DCHS2: variants seen among roughly 807,000 people sequenced by gnomAD.
DCHS2 encodes the protein protocadherin-23.
Under a neutral mutation model 182.4 loss-of-function variants are expected in DCHS2, and 142 were observed. The observed-to-expected ratio is 0.78, with a 90% CI of 0.68 to 0.89. The LOEUF is 0.89. Ranked by LOEUF, DCHS2 falls within the 40% of genes least tolerant of loss-of-function variation. DCHS2 has a pLI of 0.00. For missense variants in DCHS2, 4,319 were observed against 4,198.6 expected, an observed-to-expected ratio of 1.03 and a Z score of -0.79; for synonymous variants, 1,740 against 1,663.3, an observed-to-expected ratio of 1.05 and a Z score of -1.12.
At chr4:154,476,437 T>G (rs1250655721) in intron 1 of DCHS2, among the ~76,000 whole-genome samples, 1 of 152,222 alleles carries the variant, frequency 6.6e-6, no homozygotes, top group Non-Finnish European at 1.5e-5. Context: ...ATTAATTGTC[T>G]TACTGTTGTG....
At chr4:154,238,154 G>GA (rs1731624836) in intron 19 of DCHS2, among the ~76,000 whole-genome samples, 1 of 64,848 alleles carries the variant, frequency 1.5e-5, no homozygotes. Context: ...AGAGAGAAAA[G>GA]ACGGTGGGGG....
rs1299773461 is a variant in DCHS2 at position 154,490,681 on chromosome 4, G to A, written c.675C>T (p.Tyr225=). The change falls in exon 1 of 20, where the codon TAC becomes TAT. Residue 225 remains tyrosine (Y), a synonymous_variant. Transcript: ENST00000357232. ...GTGACGGTAGTGGCCCCGGAGTCCG[G>A]TAGCGCAACTGGAAGAACGGGCCTG... ...DPAGPFFQLR[Y]RTPGPLPSPL... is the part of the protein sequence containing the mutation. The A allele has an allele frequency of 1.9e-6, 3 of 1,551,588 alleles. No homozygotes were observed. Among genetic ancestry groups the A allele is most frequent in the Non-Finnish European group, 2.6e-6 (3 of 1,146,918 alleles).
At chr4:154,326,998 T>C (rs1008921411) in intron 7 of DCHS2, among the ~76,000 whole-genome samples, 7 of 152,164 alleles carry the variant, frequency 4.6e-5, no homozygotes, top group African/African-American at 1.7e-4. Context: ...TATTGAGTCT[T>C]CCCAAGCATG....
chr4:154,241,665 C>G (rs1731833073), intron 17 of DCHS2, among the ~76,000 whole-genome samples: 1 of 152,112 alleles, frequency 6.6e-6, no homozygotes. Context: ...GTACCCTATT[C>G]AGTATGTTTT....
At chr4:154,443,585 A>G (rs1327219930) in intron 1 of DCHS2, among the ~76,000 whole-genome samples, 1 of 152,146 alleles carries the variant, frequency 6.6e-6, no homozygotes, top group Non-Finnish European at 1.5e-5. Flanking sequence ...CACCTTTCCC[A>G]TAGAAATGGA....
chr4:154,253,122 G>T (rs532924977), intron 16 of DCHS2, among the ~76,000 whole-genome samples: 1 of 151,514 alleles, frequency 6.6e-6, no homozygotes, highest in Non-Finnish European at 1.5e-5. Context: ...TGTGGGGAGA[G>T]CCCAGGGAGG....
chr4:154,331,727 G>T lies in DCHS2; in HGVS notation c.3730+751C>A, dbSNP rs376906593. The T allele has an allele frequency of 6.5e-5, 104 of 1,607,278 alleles. No homozygotes were observed. In the African/African-American group the frequency reaches 1.4e-3, roughly 21 times the overall value. The stretch of plus-strand genomic sequence containing the variant: ...GTGCCTGCTGGACCTGCACAAAAAG[G>T]GAGCTTCTTCTCATCTTACCAGCTC... On this transcript the variant is annotated intron_variant, in intron 5 of 19. Coordinates refer to ENST00000357232, the MANE Select transcript of DCHS2 (RefSeq NM_001358235.2).
intron 3 of DCHS2, among the ~76,000 whole-genome samples, chr4:154,342,087 A>C (rs1304782363): frequency 1.3e-5 from 2 of 152,222 alleles, no homozygotes; most frequent in African/African-American, 4.8e-5. Context: ...AGTGAGACAC[A>C]GAAATTTTTT....
At position 154,329,650 on chromosome 4, in the gene DCHS2, A is replaced by C; in HGVS notation, c.3791T>G (p.Val1264Gly). Reference protein sequence around the residue: ...REHRGHHEMTVLVTDRGSPPR... With the variant: ...REHRGHHEMTGLVTDRGSPPR... The stretch of plus-strand genomic sequence containing the variant: ...TGGGGAGCCGCGGTCTGTCACTAGC[A>C]CAGTCATCTCATGGTGCCCCCGGTG... Residue 1264 changes from valine (V) to glycine (G), a missense_variant, in exon 6 of 20, where the codon GTG (valine) becomes GGG (glycine). Transcript: ENST00000357232. The C allele has an allele frequency of 6.2e-7, 1 of 1,612,422 alleles. No individual in the cohort carries two copies.
chr4:154,269,771 A>G (rs1045959419), intron 14 of DCHS2, 129 bp downstream of exon 14: 3 of 989,738 alleles, frequency 3.0e-6, no homozygotes, highest in Non-Finnish European at 4.3e-6. Context: ...TTCATAGGCT[A>G]GCTTAAAAAA....
At chr4:154,253,192 AGT>A (rs945445954) in intron 16 of DCHS2, among the ~76,000 whole-genome samples, 14 of 142,464 alleles carry the variant, frequency 9.8e-5, no homozygotes, top group East Asian at 2.1e-4. Flanking sequence ...AGAGAGAGAG[AGT>A]GTGTGTGTGT....
Position 154,414,487 on chromosome 4 carries a change from C to T in DCHS2, c.2053-37043G>A, listed in dbSNP as rs12650074. Among the ~76,000 whole-genome samples, 246 of 73,682 alleles carry T rather than the reference C, an allele frequency of 3.3e-3. 4 individuals are homozygous for T. The highest frequency in any genetic ancestry group is 4.6e-3 in the Non-Finnish European group (158 of 34,324). The allele number at this position is 73,682 out of a possible 152,430, so 48.3% of individuals were successfully genotyped here. A position where few individuals can be genotyped will look rare whatever the true frequency, so the allele number is the denominator to read the frequency against. ...ACAAAAAATATCTCCATACAGCTTT[C>T]TTTTTTTTTTTTTTTTTTTTTTTTG... On this transcript the variant is annotated intron_variant, in intron 1 of 19. Coordinates refer to ENST00000357232, the MANE Select transcript of DCHS2 (RefSeq NM_001358235.2).
chr4:154,446,683 A>G (rs1166710020), intron 1 of DCHS2, among the ~76,000 whole-genome samples: 1 of 152,100 alleles, frequency 6.6e-6, no homozygotes, highest in East Asian at 1.9e-4. Context: ...CACTCCTCCA[A>G]ATGACATTAC....
At chr4:154,403,179 CA>C (rs1345762068) in intron 1 of DCHS2, among the ~76,000 whole-genome samples, 2 of 152,094 alleles carry the variant, frequency 1.3e-5, no homozygotes, top group South Asian at 4.1e-4. Flanking sequence ...ACTATTCTGA[CA>C]AGGACCTTCA....
intron 15 of DCHS2, among the ~76,000 whole-genome samples, chr4:154,256,888 G>A (rs1373182050): frequency 2.6e-5 from 4 of 152,072 alleles, no homozygotes; most frequent in Non-Finnish European, 5.9e-5. Context: ...GACAGCTCTT[G>A]GGACCGAAAG....
chr4:154,257,713 G>T (rs900350119), intron 15 of DCHS2, among the ~76,000 whole-genome samples: 1 of 152,192 alleles, frequency 6.6e-6, no homozygotes, highest in African/African-American at 2.4e-5. Flanking sequence ...ATTGGTATGA[G>T]CTCCAGAGCC....
At position 154,235,707 on chromosome 4, in the gene DCHS2, G is replaced by A; in HGVS notation, c.8945C>T (p.Ser2982Phe). 1 of 1,614,006 alleles carries A rather than the reference G, an allele frequency of 6.2e-7. No individual in the cohort carries two copies. Among genetic ancestry groups the A allele is most frequent in the Non-Finnish European group, 8.5e-7 (1 of 1,179,932 alleles). The stretch of plus-strand genomic sequence containing the variant: ...GAACACTGCCAAGGGTGTTCCTTCA[G>A]AGGAGAAAGACACATTCACAAAAAC... The part of the protein sequence containing the change: ...CTVFVNVSFS[S>F]EGTPLAVFAS... The change falls in exon 20 of 20, where the codon TCT (serine) becomes TTT (phenylalanine). Residue 2982 changes from serine (S) to phenylalanine (F), a missense_variant. Ser to Phe is a radical substitution (Grantham distance 155). Coordinates refer to ENST00000357232, the MANE Select transcript of DCHS2 (RefSeq NM_001358235.2).
At position 154,489,770 on chromosome 4, in the gene DCHS2, AC is replaced by A. The variant is rs1403160312; in HGVS notation, c.1585del (p.Val529SerfsTer29). The A allele has an allele frequency of 1.9e-6, 3 of 1,551,420 alleles. No individual in the cohort carries two copies. The Admixed American group carries it at 5.9e-5, about 30-fold the overall frequency. On this transcript the variant is annotated frameshift_variant, in exon 1 of 20. Transcript: ENST00000357232. LOFTEE classifies it high-confidence loss of function. ...AGGTGGTTGGTCATTGAGGTCAGCGACCCGGAGTAGCAGCGTCTCCTCCGTG... is the reference window on the plus strand; with the variant it reads ...AGGTGGTTGGTCATTGAGGTCAGCGACCGGAGTAGCAGCGTCTCCTCCGTG... ...LSTEETLLLR[V>X]ADLNDQPPLF...
chr4:154,381,076 T>C (rs1731146334), intron 1 of DCHS2, among the ~76,000 whole-genome samples: 1 of 152,126 alleles, frequency 6.6e-6, no homozygotes, highest in Non-Finnish European at 1.5e-5. Context: ...CGCAATCTTA[T>C]GGTGCTGATT....
Sources: gnomAD v4.1 joint callset for allele counts (sites outside exome capture counted in the v4.1 genomes callset) on GRCh38, gnomAD v4.1.1 for gene constraint, MANE v1.5 for transcripts, NCBI Gene and HGNC (gene_info 2026-07-23, HGNC 2026-07-21) for gene names.